The following AIG1 variants were observed in gnomAD, a reference collection of about 807,000 sequenced individuals.
AIG1 encodes androgen-induced gene 1 protein.
AIG1 carries 23 observed loss-of-function variants against 31.4 expected under a neutral mutation model. That is an observed-to-expected ratio of 0.73 (90% confidence interval 0.53 to 1.04). AIG1 has a LOEUF of 1.04. Ranked by LOEUF, AIG1 falls within the 50% of genes least tolerant of loss-of-function variation. The probability of loss-of-function intolerance (pLI) is 0.00; values close to 1 mark genes in which losing one functional copy is unlikely to be tolerated. For missense variants in AIG1, 274 were observed against 295.0 expected (o/e 0.93, Z 0.52); for synonymous variants, 100 against 110.5 (o/e 0.90, Z 0.60).
chr6:143,123,588 G>A (rs941648848), intron 1 of AIG1, among the ~76,000 whole-genome samples: 2 of 151,758 alleles, frequency 1.3e-5, no homozygotes, highest in Admixed American at 6.6e-5. Context: ...CATTATGCCC[G>A]TGCAGTTCAT....
chr6:143,200,240 A>AGAGTAT (rs760643018), intron 3 of AIG1, among the ~76,000 whole-genome samples: 32 of 152,302 alleles, frequency 2.1e-4, no homozygotes, highest in Non-Finnish European at 3.8e-4. Flanking sequence ...AGCTGTAGGT[A>AGAGTAT]GAGTATGAGT....
At chr6:143,339,386 G>A (rs1777746410) in intron 5 of AIG1, 1 of 323,960 alleles carries the variant, frequency 3.1e-6, no homozygotes, top group African/African-American at 2.2e-5. Context: ...ATAGGAGCTG[G>A]GTGTGTCCCA....
At chr6:143,283,981 G>A (rs1015427071) in intron 3 of AIG1, 129 bp from the exon 4 acceptor site, 11 of 536,602 alleles carry the variant, frequency 2.0e-5, no homozygotes, top group African/African-American at 5.8e-5. Flanking sequence ...CTTCTTTGGC[G>A]AGCCATAGAC....
chr6:143,182,447 C>T (rs184695273), intron 3 of AIG1, among the ~76,000 whole-genome samples: 1 of 152,238 alleles, frequency 6.6e-6, no homozygotes, highest in African/African-American at 2.4e-5. Flanking sequence ...GTTCCTTGAG[C>T]ACCCCAGGTA....
intron 5 of AIG1, chr6:143,335,511 A>G (rs1376903155): frequency 1.4e-5 from 2 of 144,330 alleles, no homozygotes; most frequent in African/African-American, 5.3e-5. Flanking sequence ...CAGCCTGGCA[A>G]CAGAACAAGA....
chr6:143,271,784 C>T (rs1167325003), intron 3 of AIG1, among the ~76,000 whole-genome samples: 3 of 152,144 alleles, frequency 2.0e-5, no homozygotes, highest in Non-Finnish European at 4.4e-5. Flanking sequence ...CAAAATAGCT[C>T]CCTTTCTTTA....
chr6:143,213,479 G>GTCTGGAAAGT (rs1218061857), intron 3 of AIG1, among the ~76,000 whole-genome samples: 2 of 141,914 alleles, frequency 1.4e-5, no homozygotes, highest in African/African-American at 5.4e-5. Context: ...GTGCACAAGT[G>GTCTGGAAAGT]TCTGGAAAGT....
chr6:143,257,357 A>C (rs1191212427), intron 3 of AIG1, among the ~76,000 whole-genome samples: 2 of 151,804 alleles, frequency 1.3e-5, no homozygotes, highest in Non-Finnish European at 2.9e-5. Context: ...AAACAAAAAC[A>C]AAAAAAAATT....
chr6:143,197,822 C>T (rs1790379341), intron 3 of AIG1, among the ~76,000 whole-genome samples: 1 of 152,190 alleles, frequency 6.6e-6, no homozygotes, highest in Non-Finnish European at 1.5e-5. Context: ...ATTACATCAG[C>T]TGGTATTGCC....
chr6:143,339,790 C>G lies in AIG1; in HGVS notation c.*114C>G. 1 of 1,040,198 alleles carries G rather than the reference C, an allele frequency of 9.6e-7. No homozygotes were observed. The highest frequency in any genetic ancestry group is 1.4e-6 in the Non-Finnish European group (1 of 703,596). The allele number at this position is 1,040,198 out of a possible 1,614,324, so 64.4% of individuals were successfully genotyped here. A position where few individuals can be genotyped will look rare whatever the true frequency, so the allele number is the denominator to read the frequency against. On this transcript the variant is annotated 3_prime_UTR_variant, in exon 6 of 6. Coordinates refer to ENST00000357847, the MANE Select transcript of AIG1 (RefSeq NM_016108.4). Reference sequence around the variant, plus strand: ...AAGGAACTTGGTGGCATCAGCACCCCCCTCCCCCAATGAGGACACCTTTTA... The same window carrying G: ...AAGGAACTTGGTGGCATCAGCACCCGCCTCCCCCAATGAGGACACCTTTTA...
intron 1 of AIG1, among the ~76,000 whole-genome samples, chr6:143,116,034 G>A (rs1266802728): frequency 6.6e-6 from 1 of 152,210 alleles, no homozygotes; most frequent in Non-Finnish European, 1.5e-5. Flanking sequence ...ATGAATAAAA[G>A]GTAATCTTTG....
intron 3 of AIG1, among the ~76,000 whole-genome samples, chr6:143,171,695 C>T (rs947807129): frequency 2.0e-5 from 3 of 150,780 alleles, no homozygotes; most frequent in Non-Finnish European, 3.0e-5. Flanking sequence ...AGTAGATACC[C>T]GGGAGTGGGA....
Position 143,069,014 on chromosome 6 carries a change from CT to C in AIG1, c.141+7961del, listed in dbSNP as rs572412546. Among the ~76,000 whole-genome samples the C allele has an allele frequency of 1.6e-3, 224 of 144,142 alleles. 1 individual carries two copies. Among genetic ancestry groups the C allele is most frequent in the Admixed American group, 2.5e-3 (36 of 14,402 alleles). The allele number at this position is 144,142 out of a possible 152,430, so 94.6% of individuals were successfully genotyped here. On this transcript the variant is annotated intron_variant, in intron 1 of 5. Transcript: ENST00000357847. ...CATCCACATACACTAAAATTTATTC[CT>C]TTTTTTTTTTTTCTCTTGAAATGGA...
intron 1 of AIG1, among the ~76,000 whole-genome samples, chr6:143,129,832 T>C: frequency 6.6e-6 from 1 of 152,136 alleles, no homozygotes; most frequent in Non-Finnish European, 1.5e-5. Flanking sequence ...TGATATTAGG[T>C]ACATCTATAT....
chr6:143,338,613 C>G lies in AIG1; in HGVS notation c.680-1026C>G, dbSNP rs1777682307. On this transcript the variant is annotated intron_variant, in intron 5 of 5. Coordinates refer to ENST00000357847, the MANE Select transcript of AIG1 (RefSeq NM_016108.4). This position sits in a 1 kb window ranked among gnomAD's most constrained non-coding sequence, Gnocchi z 4.3. Reference sequence around the variant, plus strand: ...TTGTGGAGTCCCATATTTTGTTCTGCTTTCCACTAGTCCAGGCTTCTGAGG... The same window carrying G: ...TTGTGGAGTCCCATATTTTGTTCTGGTTTCCACTAGTCCAGGCTTCTGAGG... The G allele has an allele frequency of 6.6e-6, 1 of 152,104 alleles. No homozygotes were observed. The highest frequency in any genetic ancestry group is 1.5e-5 in the Non-Finnish European group (1 of 68,022). 9.4% of individuals were successfully genotyped at this position (152,104 alleles called of 1,614,324 possible).
intron 1 of AIG1, among the ~76,000 whole-genome samples, chr6:143,089,197 A>C (rs1779078451): frequency 6.8e-6 from 1 of 147,810 alleles, no homozygotes; most frequent in Admixed American, 6.6e-5. Context: ...CAACAGAGTG[A>C]GACTATGTCT....
intron 1 of AIG1, among the ~76,000 whole-genome samples, chr6:143,105,259 C>T (rs1780698287): frequency 6.6e-6 from 1 of 152,134 alleles, no homozygotes; most frequent in African/African-American, 2.4e-5. Flanking sequence ...CGGCCAGATA[C>T]ACTGAAACAG....
Position 143,214,252 on chromosome 6 carries a change from G to A in AIG1, c.399+49069G>A, listed in dbSNP as rs560037728. ...ACCAGTCGAGTCTGGAATGCTCATT[G>A]CTCTCAACGTGCAGCAGAAAGAGAA... On this transcript the variant is annotated intron_variant, in intron 3 of 5. Transcript: ENST00000357847. 2.6e-5 allele frequency among the ~76,000 whole-genome samples: 4 copies of A among 152,274 alleles called. No individual in the cohort carries two copies. In the South Asian group the frequency reaches 8.3e-4, roughly 32 times the overall value.
intron 1 of AIG1, among the ~76,000 whole-genome samples, chr6:143,093,768 T>G (rs533868898): frequency 5.0e-4 from 76 of 152,264 alleles, no homozygotes; most frequent in Non-Finnish European, 9.3e-4. Context: ...ATTTCAATAT[T>G]ATTTAATCTT....
Sources: allele counts gnomAD v4.1 joint callset (sites outside exome capture counted in the v4.1 genomes callset), GRCh38; gene constraint gnomAD v4.1.1; non-coding constraint Gnocchi (gnomAD v3.1); transcripts MANE v1.5; gene names NCBI Gene and HGNC (gene_info 2026-07-23, HGNC 2026-07-21).